GRID2: variants seen among roughly 807,000 people sequenced by gnomAD.
GRID2 encodes glutamate receptor ionotropic, delta-2.
Under a neutral mutation model 114.8 loss-of-function variants are expected in GRID2, and 33 were observed. The ratio of observed to expected loss-of-function variants is 0.29; its 90% confidence interval spans 0.22 to 0.38. The LOEUF is 0.38. Among genes scored for constraint, GRID2 ranks in the 10% least tolerant of loss-of-function variants. The probability of loss-of-function intolerance (pLI) is 1.00; values close to 1 mark genes in which losing one functional copy is unlikely to be tolerated. For synonymous variants in GRID2, 505 were observed against 449.9 expected (o/e 1.12, Z -1.55); for missense variants, 1,184 against 1,257.7 (o/e 0.94, Z 0.89).
At chr4:92,744,932 T>C (rs1201638226) in intron 2 of GRID2, among the ~76,000 whole-genome samples, 2 of 152,194 alleles carry the variant, frequency 1.3e-5, no homozygotes, top group African/African-American at 4.8e-5. Flanking sequence ...AATTTAGCAC[T>C]GTTGAGAAAT....
intron 8 of GRID2, among the ~76,000 whole-genome samples, chr4:93,339,331 G>A (rs1332871576): frequency 6.6e-6 from 1 of 152,180 alleles, no homozygotes; most frequent in Non-Finnish European, 1.5e-5. Context: ...GGATGGGCCA[G>A]TAATCTAATA....
chr4:93,297,958 T>C (rs1172086627), intron 8 of GRID2, among the ~76,000 whole-genome samples: 3 of 152,204 alleles, frequency 2.0e-5, no homozygotes, highest in Admixed American at 2.0e-4. Context: ...TACTGTACCA[T>C]GTGCAGATAA....
At position 92,317,721 on chromosome 4, in the gene GRID2, C is replaced by T. The variant is rs114420364; in HGVS notation, c.88+12977C>T. Among the ~76,000 whole-genome samples the T allele has an allele frequency of 5.6e-3, 860 of 152,232 alleles. 8 individuals carry two copies. The highest frequency in any genetic ancestry group is 0.02 in the African/African-American group (819 of 41,532). On this transcript the variant is annotated intron_variant, in intron 1 of 15. Transcript: ENST00000282020. ...ATTTTCTCAAAATATCACCCAGATT[C>T]TGAAGATAGAACTTGCTCTTGGCTG...
chr4:93,464,428 A>T (rs1189575458), intron 11 of GRID2, among the ~76,000 whole-genome samples: 2 of 152,140 alleles, frequency 1.3e-5, no homozygotes, highest in African/African-American at 4.8e-5. Flanking sequence ...CTAGCTCTAG[A>T]ATGCATCCTT....
intron 8 of GRID2, among the ~76,000 whole-genome samples, chr4:93,370,207 T>A (rs1442288854): frequency 6.6e-6 from 1 of 152,092 alleles, no homozygotes; most frequent in East Asian, 1.9e-4. Flanking sequence ...AACACAGACT[T>A]TCTTGTGTTC....
intron 4 of GRID2, among the ~76,000 whole-genome samples, chr4:93,128,045 AAAAAAAAAAAAAAAC>A (rs1475274021): frequency 3.4e-5 from 5 of 145,270 alleles, no homozygotes; most frequent in Admixed American, 6.9e-5. Context: ...AAAAAAAAAA[AAAAAAAAAAAAAAAC>A]AACAGTACGT....
intron 11 of GRID2, among the ~76,000 whole-genome samples, chr4:93,467,664 G>A (rs891598188): frequency 7.2e-5 from 11 of 152,118 alleles, no homozygotes; most frequent in African/African-American, 2.7e-4. Context: ...TTAGTCCTCT[G>A]CCTTACATCA....
chr4:93,603,187 G>C (rs997286807), intron 13 of GRID2, among the ~76,000 whole-genome samples: 1 of 152,110 alleles, frequency 6.6e-6, no homozygotes, highest in East Asian at 1.9e-4. Flanking sequence ...TCCAGCCTAG[G>C]GGACAAAAGC....
intron 1 of GRID2, among the ~76,000 whole-genome samples, chr4:92,408,119 G>T (rs138936709): frequency 6.6e-6 from 1 of 152,068 alleles, no homozygotes; most frequent in Non-Finnish European, 1.5e-5. Flanking sequence ...TATGGTGAGA[G>T]GTAGGGTTCT....
chr4:92,367,891 A>T (rs1728947454), intron 1 of GRID2, among the ~76,000 whole-genome samples: 2 of 151,830 alleles, frequency 1.3e-5, no homozygotes, highest in Admixed American at 6.6e-5. Context: ...TGTAAATTCC[A>T]AATGATCTCT....
chr4:92,679,042 T>C (rs1023510865), intron 2 of GRID2, among the ~76,000 whole-genome samples: 4 of 151,538 alleles, frequency 2.6e-5, no homozygotes, highest in African/African-American at 9.7e-5. Context: ...ATTAATTAAA[T>C]ATTAGCAGAA....
At chr4:92,439,615 A>T (rs371081396) in intron 1 of GRID2, among the ~76,000 whole-genome samples, 1,743 of 123,272 alleles carry the variant, frequency 0.014, 44 homozygotes, top group African/African-American at 0.043. Flanking sequence ...GTGGGGATGT[A>T]AGAAGAAACA....
Position 93,653,543 on chromosome 4 carries a change from C to T in GRID2, c.2360+27108C>T, listed in dbSNP as rs140157982. Among the ~76,000 whole-genome samples the T allele has an allele frequency of 2.8e-4, 43 of 152,226 alleles. No homozygotes were observed. The East Asian group carries it at 7.9e-3, about 28-fold the overall frequency. On this transcript the variant is annotated intron_variant, in intron 14 of 15. Transcript: ENST00000282020. ...GTGTGAAAATTGCCAACACAACATTCACAAACCCTCTTAACTTGCATCTCC... is the reference window on the plus strand; with the variant it reads ...GTGTGAAAATTGCCAACACAACATTTACAAACCCTCTTAACTTGCATCTCC...
intron 1 of GRID2, among the ~76,000 whole-genome samples, chr4:92,487,470 T>C (rs1259949203): frequency 6.6e-6 from 1 of 152,088 alleles, no homozygotes; most frequent in Non-Finnish European, 1.5e-5. Flanking sequence ...TTTTGCCAGT[T>C]TCTTCATTTT....
chr4:92,965,644 C>G (rs1279822617), intron 2 of GRID2, among the ~76,000 whole-genome samples: 1 of 151,598 alleles, frequency 6.6e-6, no homozygotes, highest in African/African-American at 2.4e-5. Context: ...TCTGTGTGTT[C>G]AGCTTTTTAC....
chr4:93,396,349 G>A (rs1169984422), intron 9 of GRID2, among the ~76,000 whole-genome samples: 1 of 151,842 alleles, frequency 6.6e-6, no homozygotes, highest in Non-Finnish European at 1.5e-5. Context: ...TATCTGTGGG[G>A]GATGCATTCC....
In GRID2 at chr4:93,608,091, C is replaced by T. The variant is rs575087403; in HGVS notation, c.2194-18178C>T. Among the ~76,000 whole-genome samples, 7 of 142,154 alleles carry T rather than the reference C, an allele frequency of 4.9e-5. No individual in the cohort carries two copies. The East Asian group carries it at 1.2e-3, about 24-fold the overall frequency. The allele number at this position is 142,154 out of a possible 152,430, so 93.3% of individuals were successfully genotyped here. A position where few individuals can be genotyped will look rare whatever the true frequency, so the allele number is the denominator to read the frequency against. On this transcript the variant is annotated intron_variant, in intron 13 of 15. Coordinates refer to ENST00000282020, the MANE Select transcript of GRID2 (RefSeq NM_001510.4). ...AAGTATATATATGCATATATATACA[C>T]ATATATGTATATATACACACACACA...
chr4:92,836,822 G>A (rs1742494527), intron 2 of GRID2, among the ~76,000 whole-genome samples: 1 of 152,066 alleles, frequency 6.6e-6, no homozygotes, highest in Non-Finnish European at 1.5e-5. Flanking sequence ...CTACAAAATA[G>A]TCCCATAGTA....
intron 2 of GRID2, among the ~76,000 whole-genome samples, chr4:93,027,604 G>A (rs1724001550): frequency 6.6e-6 from 1 of 152,058 alleles, no homozygotes. Context: ...GTTATCTTTG[G>A]AGATGAGAGG....
Sources: allele counts gnomAD v4.1 joint callset (sites outside exome capture counted in the v4.1 genomes callset), GRCh38; gene constraint gnomAD v4.1.1; transcripts MANE v1.5; gene names NCBI Gene and HGNC (gene_info 2026-07-23, HGNC 2026-07-21).